RAB11FIP4: variants seen among roughly 807,000 people sequenced by gnomAD.
RAB11FIP4 encodes rab11 family-interacting protein 4.
RAB11FIP4 carries 23 observed loss-of-function variants against 74.3 expected under a neutral mutation model. The observed-to-expected ratio is 0.31, with a 90% CI of 0.22 to 0.44. The LOEUF (loss-of-function observed/expected upper bound fraction) is 0.44. Among genes scored for constraint, RAB11FIP4 ranks in the 20% least tolerant of loss-of-function variants. The pLI, the probability that RAB11FIP4 is intolerant of heterozygous loss-of-function variation, is 1.00. For synonymous variants in RAB11FIP4, 360 were observed against 359.9 expected (o/e 1.00, Z 0.00); for missense variants, 630 against 863.9 (o/e 0.73, Z 3.39).
intron 3 of RAB11FIP4, chr17:31,509,375 C>T (rs1567683467): frequency 6.6e-6 from 1 of 152,114 alleles, no homozygotes; most frequent in African/African-American, 2.4e-5. Flanking sequence ...GGAAGTGGAG[C>T]GCAGCAACCA....
At chr17:31,463,487 C>T (rs2071652319) in intron 3 of RAB11FIP4, among the ~76,000 whole-genome samples, 1 of 152,142 alleles carries the variant, frequency 6.6e-6, no homozygotes, top group Non-Finnish European at 1.5e-5. Context: ...CTGGCCCCAG[C>T]ATCTCAAGTT....
intron 3 of RAB11FIP4, among the ~76,000 whole-genome samples, chr17:31,506,471 G>C (rs1408731079): frequency 6.6e-6 from 1 of 152,252 alleles, no homozygotes; most frequent in East Asian, 1.9e-4. Context: ...CTGTGCAATA[G>C]AACACCAGGA....
intron 1 of RAB11FIP4, among the ~76,000 whole-genome samples, chr17:31,395,404 G>A (rs2070919663): frequency 1.3e-5 from 2 of 152,278 alleles, no homozygotes; most frequent in South Asian, 4.1e-4. Flanking sequence ...AAAGTGGGGG[G>A]AACAGCAACT....
chr17:31,451,806 C>G (rs1021516058), intron 3 of RAB11FIP4, among the ~76,000 whole-genome samples: 1 of 152,098 alleles, frequency 6.6e-6, no homozygotes, highest in Non-Finnish European at 1.5e-5. Context: ...CCCCACCACC[C>G]TCTCAAGAAA....
chr17:31,525,651 G>A (rs567891331), intron 10 of RAB11FIP4: 160 of 186,218 alleles, frequency 8.6e-4, no homozygotes, highest in South Asian at 4.1e-3. Context: ...GGAACGTGAC[G>A]CAGGCGGGAC....
intron 3 of RAB11FIP4, among the ~76,000 whole-genome samples, chr17:31,463,292 C>A (rs961152470): frequency 6.6e-6 from 1 of 152,188 alleles, no homozygotes; most frequent in Non-Finnish European, 1.5e-5. Context: ...TGAGCCTCAT[C>A]TTCCCTACCT....
intron 3 of RAB11FIP4, among the ~76,000 whole-genome samples, chr17:31,481,927 C>T (rs1043996641): frequency 6.6e-6 from 1 of 152,166 alleles, no homozygotes; most frequent in African/African-American, 2.4e-5. Flanking sequence ...TACAAGAGAA[C>T]CCAGCCCCGG....
At chr17:31,470,787 T>C (rs981516363) in intron 3 of RAB11FIP4, among the ~76,000 whole-genome samples, 1 of 152,198 alleles carries the variant, frequency 6.6e-6, no homozygotes, top group Non-Finnish European at 1.5e-5. Context: ...CAAGTGAACA[T>C]TGTCTCCTCT....
At chr17:31,520,937 T>G (rs573095580) in intron 4 of RAB11FIP4, 127 of 332,770 alleles carry the variant, frequency 3.8e-4, no homozygotes, top group African/African-American at 2.6e-3. Context: ...TAAGCAGTGT[T>G]TTGCTACTGT....
intron 1 of RAB11FIP4, among the ~76,000 whole-genome samples, chr17:31,425,869 C>T (rs1055708542): frequency 6.6e-6 from 1 of 152,156 alleles, no homozygotes; most frequent in African/African-American, 2.4e-5. Context: ...CCCCCAGCTC[C>T]CCTGCCTGGG....
chr17:31,528,391 G>A lies in RAB11FIP4; in HGVS notation c.1357-15G>A, dbSNP rs758152102. The stretch of plus-strand genomic sequence containing the variant: ...CTGGGAACTCTCCTCCCCTGATCGG[G>A]TCTCCCTGCTCCAGGAGCGGCAGCG... On this transcript the variant is annotated splice_polypyrimidine_tract_variant and intron_variant, in intron 11 of 14. Coordinates refer to ENST00000621161, the MANE Select transcript of RAB11FIP4 (RefSeq NM_032932.6). 6.2e-7 allele frequency: 1 copy of A among 1,610,416 alleles called. No homozygotes were observed. The highest frequency in any genetic ancestry group is 8.5e-7 in the Non-Finnish European group (1 of 1,179,414).
chr17:31,487,575 T>G (rs2071919156), intron 3 of RAB11FIP4, among the ~76,000 whole-genome samples: 1 of 152,126 alleles, frequency 6.6e-6, no homozygotes, highest in South Asian at 2.1e-4. Context: ...TGGGTAGGAC[T>G]CTGGATGAAA....
chr17:31,436,125 A>G (rs1597915661), intron 3 of RAB11FIP4, among the ~76,000 whole-genome samples: 2 of 152,120 alleles, frequency 1.3e-5, no homozygotes, highest in African/African-American at 2.4e-5. Flanking sequence ...GACTGGGTCC[A>G]TACCCACGTG....
At chr17:31,510,520 C>T (rs984226452) in intron 3 of RAB11FIP4, among the ~76,000 whole-genome samples, 3 of 152,222 alleles carry the variant, frequency 2.0e-5, no homozygotes, top group Non-Finnish European at 2.9e-5. Flanking sequence ...GGAATGAGGC[C>T]GTTGCCAGGG....
At chr17:31,417,048 C>T (rs554672275) in intron 1 of RAB11FIP4, among the ~76,000 whole-genome samples, 1 of 151,770 alleles carries the variant, frequency 6.6e-6, no homozygotes, top group East Asian at 1.9e-4. Flanking sequence ...CACCCCAGAC[C>T]CCCTGCGTTT....
rs751438958 is a variant in RAB11FIP4 at position 31,528,400 on chromosome 17, C to T, written c.1357-6C>T. On this transcript the variant is annotated splice_polypyrimidine_tract_variant and splice_region_variant and intron_variant, in intron 11 of 14. Transcript: ENST00000621161. The stretch of plus-strand genomic sequence containing the variant: ...CTCCTCCCCTGATCGGGTCTCCCTG[C>T]TCCAGGAGCGGCAGCGCATGTCTGA... The T allele has an allele frequency of 6.2e-7, 1 of 1,611,598 alleles. No individual in the cohort carries two copies. The highest frequency in any genetic ancestry group is 1.1e-5 in the South Asian group (1 of 91,000).
At chr17:31,477,586 T>C (rs1317044474) in intron 3 of RAB11FIP4, among the ~76,000 whole-genome samples, 1 of 152,242 alleles carries the variant, frequency 6.6e-6, no homozygotes, top group Non-Finnish European at 1.5e-5. Flanking sequence ...TGCACCTTGT[T>C]CTTCCTTGGT....
intron 3 of RAB11FIP4, among the ~76,000 whole-genome samples, chr17:31,487,458 TCC>T (rs1359377373): frequency 1.4e-5 from 2 of 142,964 alleles, no homozygotes; most frequent in Non-Finnish European, 3.1e-5. Context: ...AAGGGTCCTC[TCC>T]TTTTTTTTTT....
chr17:31,528,255 G>A (rs761194927), intron 11 of RAB11FIP4, 151 bp from the exon 12 acceptor site: 42 of 909,386 alleles, frequency 4.6e-5, no homozygotes, highest in Non-Finnish European at 6.0e-5. Context: ...GGCCGTTTCT[G>A]TAAGCCAAGA....
Sources: gnomAD v4.1 joint callset for allele counts (sites outside exome capture counted in the v4.1 genomes callset) on GRCh38, gnomAD v4.1.1 for gene constraint, MANE v1.5 for transcripts, NCBI Gene and HGNC (gene_info 2026-07-23, HGNC 2026-07-21) for gene names.